The following ZMAT5 variants were observed in gnomAD, a reference collection of about 807,000 sequenced individuals.
The protein encoded by ZMAT5 is zinc finger matrin-type 5.
In ZMAT5, 23 loss-of-function variants were observed where a neutral mutation model predicts 28.0. The ratio of observed to expected loss-of-function variants is 0.82; its 90% CI spans 0.59 to 1.16. ZMAT5 has a LOEUF of 1.16. Among genes scored for constraint, ZMAT5 ranks in the 50% most tolerant of loss-of-function variants. The pLI is 0.00. For synonymous variants in ZMAT5, 76 were observed against 84.1 expected (o/e 0.90, Z 0.52); for missense variants, 173 against 212.7 (o/e 0.81, Z 1.16).
intron 1 of ZMAT5, among the ~76,000 whole-genome samples, chr22:29,755,338 A>AGAGAGAGGGAGGGAGGGAGGGAGG (rs1464976208): frequency 2.5e-5 from 1 of 39,266 alleles, no homozygotes; most frequent in Non-Finnish European, 5.1e-5. Context: ...AGAGAGAGAG[A>AGAGAGAGGGAGGGAGGGAGGGAGG]GAGGGAGGGA....
chr22:29,731,454 G>T, intron 5 of ZMAT5, 100 bp from the exon 6 acceptor site: 1 of 1,453,772 alleles, frequency 6.9e-7, no homozygotes, highest in Non-Finnish European at 9.0e-7. Flanking sequence ...TGTGGGGAGG[G>T]TCAGCTGCCT....
At chr22:29,761,399 G>C (rs1388750650) in intron 1 of ZMAT5, among the ~76,000 whole-genome samples, 3 of 151,976 alleles carry the variant, frequency 2.0e-5, no homozygotes, top group African/African-American at 7.3e-5. Context: ...CAACATAGGG[G>C]AACCTTGTCT....
chr22:29,755,402 GAAAGA>G (rs1432761031), intron 1 of ZMAT5, among the ~76,000 whole-genome samples: 2 of 143,480 alleles, frequency 1.4e-5, no homozygotes, highest in African/African-American at 2.6e-5. Context: ...AAAAAGAAAA[GAAAGA>G]AAAGAAAGGA....
intron 5 of ZMAT5, among the ~76,000 whole-genome samples, chr22:29,735,685 A>G (rs2067897528): frequency 6.6e-6 from 1 of 152,172 alleles, no homozygotes; most frequent in Admixed American, 6.5e-5. Flanking sequence ...GATTCCTCAG[A>G]TGCAAAATGG....
At position 29,764,709 on chromosome 22, in the gene ZMAT5, G is replaced by T. The variant is rs192572492; in HGVS notation, c.-28+2163C>A. On this transcript the variant is annotated intron_variant, in intron 1 of 5. Transcript: ENST00000344318. ...GTAGAGACAGGGTTTCACCATGTTGGCCAGGCTAGTCTTGAACTCCTGACC... is the reference window on the plus strand; with the variant it reads ...GTAGAGACAGGGTTTCACCATGTTGTCCAGGCTAGTCTTGAACTCCTGACC... Among the ~76,000 whole-genome samples the T allele has an allele frequency of 1.5e-3, 223 of 152,194 alleles. 2 individuals are homozygous for T. The highest frequency in any genetic ancestry group is 5.1e-3 in the African/African-American group (212 of 41,532).
intron 5 of ZMAT5, 57 bp downstream of exon 5, chr22:29,738,273 C>A (rs922355617): frequency 2.0e-6 from 3 of 1,489,202 alleles, no homozygotes; most frequent in East Asian, 4.5e-5. Flanking sequence ...AAGGGGAAGG[C>A]GGGCTGGGGT....
At chr22:29,760,508 C>T (rs1203689932) in intron 1 of ZMAT5, among the ~76,000 whole-genome samples, 1 of 152,058 alleles carries the variant, frequency 6.6e-6, no homozygotes, top group East Asian at 1.9e-4. Flanking sequence ...CACTGTATTC[C>T]AGCCTGGGTG....
At chr22:29,732,160 T>C (rs1408220370) in intron 5 of ZMAT5, among the ~76,000 whole-genome samples, 1 of 152,260 alleles carries the variant, frequency 6.6e-6, no homozygotes, top group Non-Finnish European at 1.5e-5. Context: ...CTTCTGGCCT[T>C]GGGCCCCACG....
intron 1 of ZMAT5, among the ~76,000 whole-genome samples, chr22:29,757,021 A>C (rs1455591830): frequency 6.6e-6 from 1 of 152,150 alleles, no homozygotes; most frequent in East Asian, 1.9e-4. Context: ...CCTGGGCGAC[A>C]GAGCGAGACT....
intron 5 of ZMAT5, among the ~76,000 whole-genome samples, chr22:29,736,903 T>C (rs2067910620): frequency 6.6e-6 from 1 of 151,564 alleles, no homozygotes; most frequent in South Asian, 2.1e-4. Flanking sequence ...GGCGGGTGCC[T>C]GTAGTCCCAG....
chr22:29,748,222 C>G (rs1164255154), intron 2 of ZMAT5, 196 bp downstream of exon 2: 2 of 712,884 alleles, frequency 2.8e-6, no homozygotes, highest in Non-Finnish European at 4.8e-6. Context: ...GTCCACAGAG[C>G]CTTCAGTCAG....
chr22:29,738,198 T>C, intron 5 of ZMAT5, 132 bp downstream of exon 5: 2 of 818,480 alleles, frequency 2.4e-6, no homozygotes, highest in Admixed American at 2.6e-5. Flanking sequence ...CTCGGGGAGC[T>C]ATGTGTAGGC....
At chr22:29,763,840 T>C (rs1175157540) in intron 1 of ZMAT5, among the ~76,000 whole-genome samples, 1 of 151,994 alleles carries the variant, frequency 6.6e-6, no homozygotes, top group East Asian at 1.9e-4. Context: ...TAGTCCCAGC[T>C]ACTTGGAAGG....
intron 1 of ZMAT5, among the ~76,000 whole-genome samples, chr22:29,758,316 TAA>T (rs958372146): frequency 2.6e-5 from 4 of 152,046 alleles, no homozygotes; most frequent in African/African-American, 7.3e-5. Context: ...TATGAGAAAA[TAA>T]AAGTTTGTTG....
intron 5 of ZMAT5, among the ~76,000 whole-genome samples, chr22:29,734,823 C>T (rs938284107): frequency 1.9e-4 from 20 of 105,148 alleles, no homozygotes; most frequent in Admixed American, 1.8e-3. Context: ...CAGGGAGGGT[C>T]CCCCGCCCCA....
intron 4 of ZMAT5, among the ~76,000 whole-genome samples, chr22:29,739,670 C>A (rs898717554): frequency 6.6e-6 from 1 of 152,218 alleles, no homozygotes; most frequent in Non-Finnish European, 1.5e-5. Context: ...GCCCCGTGCT[C>A]GTCCCACCAT....
At chr22:29,737,585 G>A (rs909243623) in intron 5 of ZMAT5, among the ~76,000 whole-genome samples, 4 of 152,194 alleles carry the variant, frequency 2.6e-5, no homozygotes, top group South Asian at 2.1e-4. Context: ...GTTCAAAGTC[G>A]CATGCGGCTC....
intron 5 of ZMAT5, 35 bp downstream of exon 5, chr22:29,738,295 G>T: frequency 6.3e-7 from 1 of 1,588,196 alleles, no homozygotes; most frequent in Non-Finnish European, 8.6e-7. Context: ...TTGCCCCCAG[G>T]GGGCACAGCG....
intron 5 of ZMAT5, among the ~76,000 whole-genome samples, chr22:29,736,642 C>G (rs1402404586): frequency 6.7e-6 from 1 of 150,046 alleles, no homozygotes; most frequent in African/African-American, 2.5e-5. Context: ...AATGTTTGAA[C>G]CCAGGAGGCG....
Sources: gnomAD v4.1 joint callset for allele counts (sites outside exome capture counted in the v4.1 genomes callset) on GRCh38, gnomAD v4.1.1 for gene constraint, MANE v1.5 for transcripts, NCBI Gene and HGNC (gene_info 2026-07-23, HGNC 2026-07-21) for gene names.